Variants in PCDH11X observed in about 807,000 individuals in gnomAD.
PCDH11X encodes the protein protocadherin 11 X-linked.
A neutral mutation model predicts 53.3 loss-of-function variants in PCDH11X; 18 were observed. The observed-to-expected ratio is 0.34, with a 90% CI of 0.23 to 0.50. The LOEUF is 0.50. Ranked by LOEUF, PCDH11X falls within the 20% of genes least tolerant of loss-of-function variation. The pLI is 0.98. For synonymous variants in PCDH11X, 279 were observed against 393.3 expected (o/e 0.71, Z 3.44); for missense variants, 570 against 1,032.4 (o/e 0.55, Z 6.14).
chrX:92,418,453 A>G (rs1419617016), intron 9 of PCDH11X, among the ~76,000 whole-genome samples: 1 of 111,413 alleles, frequency 9.0e-6, no homozygotes, highest in Non-Finnish European at 1.9e-5. Context: ...AGGAGGAAAA[A>G]TGTTATTACA....
intron 1 of PCDH11X, among the ~76,000 whole-genome samples, chrX:91,787,302 C>A (rs749343240): frequency 9.0e-6 from 1 of 110,714 alleles, no homozygotes; most frequent in South Asian, 3.8e-4. Context: ...CCTGACACGA[C>A]ATTTTGGAAG....
chrX:91,992,736 A>C (rs1017762733), intron 6 of PCDH11X, among the ~76,000 whole-genome samples: 8 of 106,158 alleles, frequency 7.5e-5, no homozygotes, highest in African/African-American at 2.8e-4. Flanking sequence ...TCACAGCTTG[A>C]GAAAGATTAT....
chrX:92,451,767 A>G lies in PCDH11X; in HGVS notation c.3344-16532A>G, dbSNP rs778289443. 1.5e-4 allele frequency among the ~76,000 whole-genome samples: 17 copies of G among 112,192 alleles called. No individual in the cohort carries two copies. In the South Asian group the frequency reaches 2.2e-3, roughly 14 times the overall value. On this transcript the variant is annotated intron_variant, in intron 9 of 10. Transcript: ENST00000682573. ...ATTTGTTTGTAGTTGACTGCTTAACAGTATTCGATGATCAGAGAATACTTT... is the reference window on the plus strand; with the variant it reads ...ATTTGTTTGTAGTTGACTGCTTAACGGTATTCGATGATCAGAGAATACTTT...
chrX:92,163,229 C>T (rs71201654), intron 6 of PCDH11X, among the ~76,000 whole-genome samples: 5 of 110,299 alleles, frequency 4.5e-5, no homozygotes, highest in African/African-American at 6.6e-5. Context: ...GCAGTGGGGA[C>T]GCAGGGCTGA....
At chrX:92,113,442 C>T in intron 6 of PCDH11X, 1 of 1,204,042 alleles carries the variant, frequency 8.3e-7, no homozygotes, top group Non-Finnish European at 1.1e-6. Flanking sequence ...CTAAAGAAAC[C>T]TGCTGCACAT....
chrX:91,860,258 C>T (rs1938586533), intron 5 of PCDH11X, among the ~76,000 whole-genome samples: 1 of 106,972 alleles, frequency 9.3e-6, no homozygotes, highest in African/African-American at 3.4e-5. Context: ...CATGATTTGG[C>T]TCTCTGCTTA....
At chrX:92,147,974 TTC>T in intron 6 of PCDH11X, among the ~76,000 whole-genome samples, 1 of 87,738 alleles carries the variant, frequency 1.1e-5, no homozygotes, top group African/African-American at 5.3e-5. Context: ...CCTTCCTTCC[TTC>T]CTTCCTTCCT....
At chrX:92,005,179 C>G (rs1569303050) in intron 6 of PCDH11X, among the ~76,000 whole-genome samples, 1 of 110,919 alleles carries the variant, frequency 9.0e-6, no homozygotes, top group Non-Finnish European at 1.9e-5. Flanking sequence ...AGAATTCAGT[C>G]TATTTACATT....
intron 8 of PCDH11X, among the ~76,000 whole-genome samples, chrX:92,346,900 C>T (rs2069911640): frequency 9.0e-6 from 1 of 111,433 alleles, no homozygotes; most frequent in Non-Finnish European, 1.9e-5. Flanking sequence ...AAATGTATTA[C>T]ATGGTATCCA....
intron 1 of PCDH11X, among the ~76,000 whole-genome samples, chrX:91,797,472 TTAAAA>T (rs1321916192): frequency 9.8e-6 from 1 of 101,720 alleles, no homozygotes; most frequent in Non-Finnish European, 2.0e-5. Flanking sequence ...CAATCTCAAG[TTAAAA>T]TAAGAACTTT....
chrX:92,306,544 A>G (rs380450), intron 8 of PCDH11X, among the ~76,000 whole-genome samples: 39,227 of 108,087 alleles, frequency 0.36, 6,851 homozygotes, highest in Non-Finnish European at 0.53. Flanking sequence ...CAGAAATGAA[A>G]GATGAGAAAT....
chrX:91,961,435 A>G (rs1341413525), intron 6 of PCDH11X, among the ~76,000 whole-genome samples: 2 of 111,526 alleles, frequency 1.8e-5, no homozygotes, highest in East Asian at 5.7e-4. Context: ...TCAACATAGT[A>G]CTGGAAATCC....
intron 9 of PCDH11X, chrX:92,420,576 T>G (rs749929773): frequency 2.8e-5 from 9 of 324,081 alleles, no homozygotes; most frequent in African/African-American, 2.2e-4. Flanking sequence ...ATATAAAGTT[T>G]TACATTAGCA....
intron 8 of PCDH11X, among the ~76,000 whole-genome samples, chrX:92,274,797 G>A (rs1013044242): frequency 5.4e-5 from 6 of 110,813 alleles, no homozygotes; most frequent in African/African-American, 9.9e-5. Flanking sequence ...GGTGTGTGGC[G>A]ATAAGGCCTG....
intron 6 of PCDH11X, among the ~76,000 whole-genome samples, chrX:92,051,120 A>C (rs1458143567): frequency 8.9e-6 from 1 of 112,116 alleles, no homozygotes; most frequent in Non-Finnish European, 1.9e-5. Context: ...CAAGTGCATC[A>C]AATGAAATAT....
chrX:92,517,015 GAACGT>G (rs1569498885), intron 10 of PCDH11X, among the ~76,000 whole-genome samples: 1 of 112,220 alleles, frequency 8.9e-6, no homozygotes. Context: ...AAGATTGTGA[GAACGT>G]AAGCCTGGAT....
At chrX:92,261,183 G>A (rs1221542330) in intron 7 of PCDH11X, among the ~76,000 whole-genome samples, 4 of 110,452 alleles carry the variant, frequency 3.6e-5, no homozygotes, top group Non-Finnish European at 7.6e-5. Flanking sequence ...TGTTTAGTAG[G>A]CATGCACTAG....
chrX:91,831,856 G>GT (rs1194522434), intron 4 of PCDH11X, among the ~76,000 whole-genome samples: 1 of 85,951 alleles, frequency 1.2e-5, no homozygotes, highest in East Asian at 3.8e-4. Context: ...ATAAGTATTT[G>GT]TTGAATAAGT....
intron 5 of PCDH11X, among the ~76,000 whole-genome samples, chrX:91,856,810 CA>C (rs1354513733): frequency 9.0e-6 from 1 of 111,688 alleles, no homozygotes; most frequent in African/African-American, 3.3e-5. Context: ...CATAGTATTC[CA>C]TTGTGTATAT....
Sources: gnomAD v4.1 joint callset for allele counts (sites outside exome capture counted in the v4.1 genomes callset) on GRCh38, gnomAD v4.1.1 for gene constraint, MANE v1.5 for transcripts, NCBI Gene and HGNC (gene_info 2026-07-23, HGNC 2026-07-21) for gene names.